The following SAMTOR variants were observed in gnomAD, a reference collection of about 807,000 sequenced individuals.
SAMTOR encodes S-adenosylmethionine sensor upstream of mTORC1, also known as UPF0532 protein C7orf60.
the SAMTOR span, among the ~76,000 whole-genome samples, chr7:112,908,695 A>C: frequency 6.6e-6 from 1 of 152,202 alleles, no homozygotes; most frequent in African/African-American, 2.4e-5. Flanking sequence ...ATGTACATGG[A>C]TATGAATTTG....
chr7:112,838,785 T>A, the SAMTOR span, among the ~76,000 whole-genome samples: 1 of 151,846 alleles, frequency 6.6e-6, no homozygotes, highest in Non-Finnish European at 1.5e-5. Context: ...AATTTTAATG[T>A]TTGTTGTTGT....
At chr7:112,885,463 C>A in the SAMTOR span, among the ~76,000 whole-genome samples, 1 of 152,122 alleles carries the variant, frequency 6.6e-6, no homozygotes, top group Non-Finnish European at 1.5e-5. Context: ...CCACCAGATA[C>A]CTTAAATCAT....
the SAMTOR span, among the ~76,000 whole-genome samples, chr7:112,852,529 C>T: frequency 6.6e-6 from 1 of 151,868 alleles, no homozygotes; most frequent in Admixed American, 6.6e-5. Flanking sequence ...ACACTAAAAG[C>T]CCAGACATCA....
chr7:112,929,504 T>C, the SAMTOR span, among the ~76,000 whole-genome samples: 3 of 151,982 alleles, frequency 2.0e-5, no homozygotes, highest in Non-Finnish European at 4.4e-5. Context: ...TGTAAATTAG[T>C]ACAGCCAAAA....
the SAMTOR span, among the ~76,000 whole-genome samples, chr7:112,861,474 T>C: frequency 6.6e-6 from 1 of 152,284 alleles, no homozygotes; most frequent in African/African-American, 2.4e-5. Context: ...GACAACAGAA[T>C]TTCTTGATAA....
the SAMTOR span, among the ~76,000 whole-genome samples, chr7:112,921,410 C>A: frequency 1.3e-5 from 2 of 151,396 alleles, no homozygotes; most frequent in Non-Finnish European, 3.0e-5. Flanking sequence ...AAAGCTGAAA[C>A]TGGATCCCTT....
At chr7:112,885,470 TC>T in the SAMTOR span, among the ~76,000 whole-genome samples, 4 of 152,126 alleles carry the variant, frequency 2.6e-5, no homozygotes, top group Non-Finnish European at 5.9e-5. Context: ...ATACCTTAAA[TC>T]ATCTCTCTCA....
chr7:112,909,842 TTTGA>T, the SAMTOR span, among the ~76,000 whole-genome samples: 3 of 151,032 alleles, frequency 2.0e-5, no homozygotes, highest in Admixed American at 2.0e-4. Context: ...CAATTAGGAA[TTTGA>T]TTGAATATTT....
chr7:112,847,414 G>A, the SAMTOR span, among the ~76,000 whole-genome samples: 1 of 152,080 alleles, frequency 6.6e-6, no homozygotes, highest in East Asian at 1.9e-4. Flanking sequence ...TATTCACAGA[G>A]TACTACCCAC....
chr7:112,932,959 A>C, the SAMTOR span, among the ~76,000 whole-genome samples: 2 of 152,222 alleles, frequency 1.3e-5, no homozygotes, highest in African/African-American at 4.8e-5. Context: ...TATGCTGCTA[A>C]ACTTCCAGTA....
chr7:112,835,010 T>C, the SAMTOR span, among the ~76,000 whole-genome samples: 1 of 152,178 alleles, frequency 6.6e-6, no homozygotes. Context: ...TTCTATTTTA[T>C]TGTTATTCTT....
the SAMTOR span, among the ~76,000 whole-genome samples, chr7:112,920,807 C>T: frequency 6.6e-6 from 1 of 151,912 alleles, no homozygotes; most frequent in Non-Finnish European, 1.5e-5. Context: ...ACACCAATAA[C>T]AGACAAACAG....
chr7:112,914,981 C>G, the SAMTOR span, among the ~76,000 whole-genome samples: 2 of 152,154 alleles, frequency 1.3e-5, no homozygotes, highest in Non-Finnish European at 2.9e-5. Context: ...TGGCTCACGT[C>G]TGTAATCCAA....
the SAMTOR span, among the ~76,000 whole-genome samples, chr7:112,910,256 A>G: frequency 6.6e-6 from 1 of 152,140 alleles, no homozygotes; most frequent in East Asian, 1.9e-4. Context: ...CGTTGTCCTA[A>G]CTGTAATTGA....
At chr7:112,876,411 C>G in the SAMTOR span, among the ~76,000 whole-genome samples, 1 of 152,140 alleles carries the variant, frequency 6.6e-6, no homozygotes, top group Admixed American at 6.5e-5. Context: ...TACTAAACTT[C>G]CCATTCCTTA....
the SAMTOR span, among the ~76,000 whole-genome samples, chr7:112,858,505 T>C: frequency 6.6e-6 from 1 of 152,134 alleles, no homozygotes; most frequent in Non-Finnish European, 1.5e-5. Flanking sequence ...TTCTATAATT[T>C]TTAAAATAAA....
At chr7:112,897,562 C>T in the SAMTOR span, among the ~76,000 whole-genome samples, 1 of 151,902 alleles carries the variant, frequency 6.6e-6, no homozygotes. Flanking sequence ...CCCCATATAC[C>T]CTCAAAAAAC....
At chr7:112,889,962 A>C in the SAMTOR span, among the ~76,000 whole-genome samples, 1 of 152,222 alleles carries the variant, frequency 6.6e-6, no homozygotes, top group African/African-American at 2.4e-5. Flanking sequence ...AACTTGGAAG[A>C]AACAAGCATG....
At chr7:112,920,513 G>A in the SAMTOR span, among the ~76,000 whole-genome samples, 1 of 149,258 alleles carries the variant, frequency 6.7e-6, no homozygotes, top group Non-Finnish European at 1.5e-5. Context: ...GGCAAAAACT[G>A]GAAGCATTCC....
Sources: allele counts gnomAD v4.1 joint callset (sites outside exome capture counted in the v4.1 genomes callset), GRCh38; gene constraint gnomAD v4.1.1; transcripts MANE v1.5; gene names NCBI Gene and HGNC (gene_info 2026-07-23, HGNC 2026-07-21).